Variants in GMDS observed in about 807,000 individuals in gnomAD.
The protein encoded by GMDS is GDP-mannose 4,6 dehydratase.
In GMDS, 20 loss-of-function variants were observed where a neutral mutation model predicts 49.9. The observed-to-expected ratio is 0.40, with a 90% CI of 0.28 to 0.58. The LOEUF is 0.58. GMDS is among the 20% of genes least tolerant of loss of function. The probability of loss-of-function intolerance (pLI) is 0.42; values close to 1 mark genes in which losing one functional copy is unlikely to be tolerated. For synonymous variants in GMDS, 177 were observed against 178.6 expected (o/e 0.99, Z 0.07); for missense variants, 362 against 481.4 (o/e 0.75, Z 2.32).
At chr6:2,043,062 G>C (rs1769779206) in intron 4 of GMDS, among the ~76,000 whole-genome samples, 1 of 152,162 alleles carries the variant, frequency 6.6e-6, no homozygotes. Context: ...CAAGCCTCAT[G>C]AGTCTAAAAG....
chr6:1,981,381 C>A (rs191999658), intron 4 of GMDS, among the ~76,000 whole-genome samples: 187 of 152,248 alleles, frequency 1.2e-3, no homozygotes, highest in African/African-American at 4.3e-3. Context: ...GAAATACAAG[C>A]AACCATCAAA....
At chr6:1,974,261 G>C (rs1764774327) in intron 4 of GMDS, among the ~76,000 whole-genome samples, 2 of 152,208 alleles carry the variant, frequency 1.3e-5, no homozygotes, top group East Asian at 3.9e-4. Flanking sequence ...GAAAGACTTG[G>C]AAAGGAGGGC....
rs372781515 is a variant in GMDS at position 2,212,707 on chromosome 6, T to TTA, written c.102+32613_102+32614insTA. 6.1e-3 allele frequency among the ~76,000 whole-genome samples: 694 copies of TTA among 113,586 alleles called. 9 individuals are homozygous for TTA. Among genetic ancestry groups the TTA allele is most frequent in the African/African-American group, 0.02 (636 of 32,606 alleles). 74.5% of individuals were successfully genotyped at this position (113,586 alleles called of 152,430 possible). On this transcript the variant is annotated intron_variant, in intron 1 of 10. Transcript: ENST00000380815. Reference sequence around the variant, plus strand: ...CTTATACCAAAATTAGATTAACTTGTAAAAAAAAAAAAAAAAAAAAAACTA... The same window carrying TTA: ...CTTATACCAAAATTAGATTAACTTGTTAAAAAAAAAAAAAAAAAAAAAAACTA...
At chr6:1,634,043 C>T (rs561572115) in intron 9 of GMDS, among the ~76,000 whole-genome samples, 3 of 152,322 alleles carry the variant, frequency 2.0e-5, no homozygotes, top group Non-Finnish European at 2.9e-5. Flanking sequence ...AAAAGGTGGA[C>T]GAGTCGTTCT....
At chr6:1,693,445 C>T (rs1460202531) in intron 9 of GMDS, among the ~76,000 whole-genome samples, 4 of 152,248 alleles carry the variant, frequency 2.6e-5, no homozygotes, top group East Asian at 1.9e-4. Flanking sequence ...TGTCCCCATG[C>T]CTCATCCTGT....
chr6:2,030,313 A>T (rs1297227313), intron 4 of GMDS, among the ~76,000 whole-genome samples: 1 of 152,222 alleles, frequency 6.6e-6, no homozygotes, highest in Non-Finnish European at 1.5e-5. Context: ...GTGATGCTGG[A>T]GAGCCAAGAA....
chr6:1,720,694 G>A (rs143588729), intron 9 of GMDS, among the ~76,000 whole-genome samples: 208 of 152,264 alleles, frequency 1.4e-3, no homozygotes, highest in African/African-American at 4.6e-3. Flanking sequence ...AGGAAGAAAG[G>A]CACTCATCCT....
At chr6:1,934,398 T>C (rs1333835100) in intron 6 of GMDS, among the ~76,000 whole-genome samples, 1 of 152,222 alleles carries the variant, frequency 6.6e-6, no homozygotes, top group East Asian at 1.9e-4. Flanking sequence ...GATCAGCTTG[T>C]TGATTTCTGC....
intron 7 of GMDS, among the ~76,000 whole-genome samples, chr6:1,809,165 G>C (rs949675652): frequency 4.6e-5 from 7 of 152,022 alleles, no homozygotes; most frequent in Admixed American, 1.3e-4. Flanking sequence ...TTTTCTCCAG[G>C]CTCCTCCCTC....
chr6:1,724,753 G>C (rs1437466914), intron 9 of GMDS, among the ~76,000 whole-genome samples: 3 of 152,188 alleles, frequency 2.0e-5, no homozygotes, highest in South Asian at 2.1e-4. Context: ...GGCAGTCCCT[G>C]CTATGTCAGC....
At chr6:1,655,444 AC>A (rs1763841992) in intron 9 of GMDS, among the ~76,000 whole-genome samples, 1 of 151,706 alleles carries the variant, frequency 6.6e-6, no homozygotes, top group African/African-American at 2.4e-5. Context: ...TAAAATATTT[AC>A]ATTAGTTTTT....
intron 4 of GMDS, among the ~76,000 whole-genome samples, chr6:2,113,867 C>T (rs1217696165): frequency 6.6e-6 from 1 of 152,152 alleles, no homozygotes; most frequent in East Asian, 1.9e-4. Context: ...AAAATTCTCA[C>T]TGAAGAGTGC....
rs1372217006 is a variant in GMDS at position 1,638,268 on chromosome 6, G to A, written c.988-13728C>T. On this transcript the variant is annotated intron_variant, in intron 9 of 10. Transcript: ENST00000380815. ...CCCCACACTAAAAAAGCCTGATGCC[G>A]CCCTGGGTTTAGAGCAAAACAAAAA... is the stretch of plus-strand genomic sequence containing the variant. Among the ~76,000 whole-genome samples, 6 of 152,266 alleles carry A rather than the reference G, an allele frequency of 3.9e-5. No individual in the cohort carries two copies. The East Asian group carries it at 5.8e-4, about 15-fold the overall frequency.
At chr6:1,684,869 T>C (rs925269331) in intron 9 of GMDS, among the ~76,000 whole-genome samples, 1 of 152,160 alleles carries the variant, frequency 6.6e-6, no homozygotes, top group African/African-American at 2.4e-5. Flanking sequence ...CAAGTAAATA[T>C]ACACAGTAAA....
chr6:1,890,717 C>G (rs1038535057), intron 7 of GMDS, among the ~76,000 whole-genome samples: 1 of 152,124 alleles, frequency 6.6e-6, no homozygotes, highest in Non-Finnish European at 1.5e-5. Flanking sequence ...CTGGAATCTG[C>G]CTGTAATGTA....
At chr6:1,644,175 A>G (rs918301939) in intron 9 of GMDS, among the ~76,000 whole-genome samples, 1 of 151,860 alleles carries the variant, frequency 6.6e-6, no homozygotes. Context: ...ATGAGGATCC[A>G]CTCTTCCTCC....
At chr6:1,680,443 T>C (rs912783258) in intron 9 of GMDS, among the ~76,000 whole-genome samples, 1 of 152,120 alleles carries the variant, frequency 6.6e-6, no homozygotes, top group Non-Finnish European at 1.5e-5. Flanking sequence ...TTGCCAACAT[T>C]GCTAGTTCTC....
At chr6:2,097,723 A>T (rs1363416245) in intron 4 of GMDS, among the ~76,000 whole-genome samples, 1 of 152,148 alleles carries the variant, frequency 6.6e-6, no homozygotes, top group Non-Finnish European at 1.5e-5. Flanking sequence ...TAAGAAAGTG[A>T]GCCTTTACTC....
chr6:1,657,858 AAAAAAAAAAAAG>A (rs1235021691), intron 9 of GMDS, among the ~76,000 whole-genome samples: 1 of 142,772 alleles, frequency 7.0e-6, no homozygotes, highest in Non-Finnish European at 1.5e-5. Context: ...TCAAGCAAAA[AAAAAAAAAAAAG>A]AAAAAGAAAA....
Sources: allele counts gnomAD v4.1 joint callset (sites outside exome capture counted in the v4.1 genomes callset), GRCh38; gene constraint gnomAD v4.1.1; transcripts MANE v1.5; gene names NCBI Gene and HGNC (gene_info 2026-07-23, HGNC 2026-07-21).